The following NRG3 variants were observed in gnomAD, a reference collection of about 807,000 sequenced individuals.
NRG3 encodes the protein neuregulin 3.
NRG3 carries 31 observed loss-of-function variants against 66.9 expected under a neutral mutation model. The ratio of observed to expected loss-of-function variants is 0.46; its 90% CI spans 0.35 to 0.63. The LOEUF (loss-of-function observed/expected upper bound fraction) is 0.63, where lower values mean the gene tolerates loss of function less well. Ranked by LOEUF, NRG3 falls within the 20% of genes least tolerant of loss-of-function variation. NRG3 has a pLI of 0.00. For missense variants in NRG3, 910 were observed against 878.9 expected (o/e 1.04, Z -0.45); for synonymous variants, 393 against 359.4 (o/e 1.09, Z -1.06).
chr10:82,033,439 C>T (rs1425167003), intron 1 of NRG3, among the ~76,000 whole-genome samples: 1 of 152,130 alleles, frequency 6.6e-6, no homozygotes, highest in African/African-American at 2.4e-5. Flanking sequence ...TTTTAGGTTT[C>T]CCTCTACCTC....
chr10:82,832,918 C>A (rs2062599706), intron 3 of NRG3, among the ~76,000 whole-genome samples: 1 of 151,890 alleles, frequency 6.6e-6, no homozygotes, highest in Non-Finnish European at 1.5e-5. Flanking sequence ...TACAACTTTA[C>A]AATCTTCTCA....
intron 1 of NRG3, among the ~76,000 whole-genome samples, chr10:82,151,262 A>C (rs1200444700): frequency 2.0e-5 from 3 of 152,204 alleles, no homozygotes; most frequent in Non-Finnish European, 4.4e-5. Context: ...TAGGAGTTTG[A>C]ACTGAAATAA....
chr10:82,591,253 A>C (rs751451714), intron 2 of NRG3, among the ~76,000 whole-genome samples: 1 of 152,220 alleles, frequency 6.6e-6, no homozygotes, highest in South Asian at 2.1e-4. Context: ...AATCCAAAAA[A>C]TAATATCCCT....
intron 2 of NRG3, among the ~76,000 whole-genome samples, chr10:82,626,938 C>T (rs539632616): frequency 5.3e-5 from 8 of 152,102 alleles, no homozygotes; most frequent in African/African-American, 1.9e-4. Context: ...ACTTTCCACA[C>T]ATTTATTTTT....
intron 1 of NRG3, among the ~76,000 whole-genome samples, chr10:82,355,577 T>G (rs1179222709): frequency 6.6e-6 from 1 of 151,664 alleles, no homozygotes; most frequent in Non-Finnish European, 1.5e-5. Context: ...TAAGAGTGAC[T>G]TGGACACAGT....
chr10:82,226,732 T>C (rs989574597), intron 1 of NRG3, among the ~76,000 whole-genome samples: 1 of 152,206 alleles, frequency 6.6e-6, no homozygotes, highest in Non-Finnish European at 1.5e-5. Context: ...CATTTATAAC[T>C]AGGAAACTGA....
intron 1 of NRG3, among the ~76,000 whole-genome samples, chr10:82,152,122 C>T (rs2070796007): frequency 6.6e-6 from 1 of 152,148 alleles, no homozygotes; most frequent in Non-Finnish European, 1.5e-5. Context: ...CTCCTTAACT[C>T]TGCCATTGTA....
At chr10:82,036,147 A>G (rs1398075901) in intron 1 of NRG3, among the ~76,000 whole-genome samples, 1 of 152,072 alleles carries the variant, frequency 6.6e-6, no homozygotes, top group Non-Finnish European at 1.5e-5. Context: ...GCCCACTCAC[A>G]AGGGTTTTTA....
At chr10:82,624,919 T>C (rs903028786) in intron 2 of NRG3, among the ~76,000 whole-genome samples, 7 of 142,278 alleles carry the variant, frequency 4.9e-5, no homozygotes, top group Non-Finnish European at 9.2e-5. Context: ...ATATATATTT[T>C]ATATATATAT....
chr10:82,315,759 G>T lies in NRG3; in HGVS notation c.824-42980G>T, dbSNP rs527681437. Among the ~76,000 whole-genome samples, 4 of 150,550 alleles carry T rather than the reference G, an allele frequency of 2.7e-5. No homozygotes were observed. The East Asian group carries it at 7.9e-4, about 30-fold the overall frequency. On this transcript the variant is annotated intron_variant, in intron 1 of 8. Transcript: ENST00000372141. ...CGGCTCGCTGCAACCTCCGTCTCCTGGGTTCAAGCAATTCTCCTGCCTCAG... is the reference window on the plus strand; with the variant it reads ...CGGCTCGCTGCAACCTCCGTCTCCTTGGTTCAAGCAATTCTCCTGCCTCAG...
intron 2 of NRG3, among the ~76,000 whole-genome samples, chr10:82,434,203 T>C (rs1477007303): frequency 6.6e-6 from 1 of 152,170 alleles, no homozygotes; most frequent in Admixed American, 6.5e-5. Context: ...TTATTCTCTT[T>C]TTAGAGATTG....
rs368339180 is a variant in NRG3, at chr10:82,133,970, G to T, written c.824-224769G>T. On this transcript the variant is annotated intron_variant, in intron 1 of 8. Coordinates refer to ENST00000372141, the MANE Select transcript of NRG3 (RefSeq NM_001010848.4). ...ATAATGGCCATTCTGACTGGTGTGG[G>T]ATGGTATCTCATTGTGGGTTTGATT... Among the ~76,000 whole-genome samples the T allele has an allele frequency of 6.6e-5, 10 of 152,276 alleles. No individual in the cohort carries two copies. The East Asian group carries it at 1.9e-3, about 29-fold the overall frequency.
chr10:82,629,031 A>G (rs1037786835), intron 2 of NRG3, among the ~76,000 whole-genome samples: 4 of 152,278 alleles, frequency 2.6e-5, no homozygotes, highest in African/African-American at 9.6e-5. Flanking sequence ...ATTTATTCAA[A>G]TGTTAAGTGA....
In NRG3 at chr10:82,591,895, A is replaced by T. The variant is rs541415412; in HGVS notation, c.954-146682A>T. Among the ~76,000 whole-genome samples, 3 of 152,310 alleles carry T rather than the reference A, an allele frequency of 2.0e-5. No homozygotes were observed. The South Asian group carries it at 6.2e-4, about 32-fold the overall frequency. ...GGGCCTGGGGACCTGTAGGTAAAAA[A>T]TTGTCACAAAACAATGTTTCTTTAG... is the stretch of plus-strand genomic sequence containing the variant. On this transcript the variant is annotated intron_variant, in intron 2 of 8. Coordinates refer to ENST00000372141, the MANE Select transcript of NRG3 (RefSeq NM_001010848.4).
intron 1 of NRG3, among the ~76,000 whole-genome samples, chr10:82,262,178 T>C (rs1396830546): frequency 6.6e-6 from 1 of 152,188 alleles, no homozygotes; most frequent in Non-Finnish European, 1.5e-5. Flanking sequence ...AAGAATGGAC[T>C]AATACAGTAG....
chr10:82,568,232 A>G (rs935452646), intron 2 of NRG3, among the ~76,000 whole-genome samples: 1 of 151,812 alleles, frequency 6.6e-6, no homozygotes, highest in African/African-American at 2.4e-5. Flanking sequence ...AGGAGGACAC[A>G]CTTGCCTAGG....
chr10:82,408,457 T>C (rs947671514), intron 2 of NRG3, among the ~76,000 whole-genome samples: 1 of 152,080 alleles, frequency 6.6e-6, no homozygotes, highest in Non-Finnish European at 1.5e-5. Flanking sequence ...ATATTTTAAC[T>C]AGCTCATGAA....
intron 4 of NRG3, among the ~76,000 whole-genome samples, chr10:82,913,712 A>G (rs1445373260): frequency 3.3e-5 from 5 of 152,170 alleles, no homozygotes; most frequent in Non-Finnish European, 1.5e-5. Context: ...CCTTCCCACC[A>G]TTGCACATTC....
chr10:82,776,059 A>G (rs1272684364), intron 3 of NRG3, among the ~76,000 whole-genome samples: 2 of 152,182 alleles, frequency 1.3e-5, no homozygotes, highest in African/African-American at 2.4e-5. Flanking sequence ...CCATTATAGT[A>G]ATTATAATCC....
Sources: allele counts gnomAD v4.1 joint callset (sites outside exome capture counted in the v4.1 genomes callset), GRCh38; gene constraint gnomAD v4.1.1; transcripts MANE v1.5; gene names NCBI Gene and HGNC (gene_info 2026-07-23, HGNC 2026-07-21).